ITGAV: variants seen among roughly 807,000 people sequenced by gnomAD.
ITGAV encodes integrin alpha-V.
A neutral mutation model predicts 143.8 loss-of-function variants in ITGAV; 76 were observed. That is an observed-to-expected ratio of 0.53 (90% CI 0.44 to 0.64). The LOEUF (loss-of-function observed/expected upper bound fraction) is 0.64. ITGAV is among the 30% of genes least tolerant of loss of function. ITGAV has a pLI of 0.00. For missense variants in ITGAV, 1,193 were observed against 1,274.7 expected, an observed-to-expected ratio of 0.94 and a Z score of 0.98; for synonymous variants, 453 against 446.7, an observed-to-expected ratio of 1.01 and a Z score of -0.18.
intron 19 of ITGAV, 30 bp from the exon 20 acceptor site, chr2:186,664,464 T>C (rs1193203851): frequency 3.1e-6 from 5 of 1,603,324 alleles, no homozygotes; most frequent in Non-Finnish European, 4.3e-6. Context: ...TCTTTTTTTC[T>C]CAGTCTGGAT....
intron 13 of ITGAV, 77 bp downstream of exon 13, chr2:186,646,954 TTA>T: frequency 1.0e-6 from 1 of 975,242 alleles, no homozygotes; most frequent in Non-Finnish European, 1.5e-6. Flanking sequence ...TGTTCTTGAT[TTA>T]TGTTATAAAT....
At chr2:186,630,437 A>T (rs1687785305) in intron 4 of ITGAV, among the ~76,000 whole-genome samples, 2 of 151,976 alleles carry the variant, frequency 1.3e-5, no homozygotes, top group African/African-American at 4.8e-5. Context: ...ATTGTTTGGT[A>T]AGATTTTAAG....
chr2:186,669,000 A>G, intron 25 of ITGAV, 80 bp downstream of exon 25: 1 of 1,292,722 alleles, frequency 7.7e-7, no homozygotes, highest in Admixed American at 2.4e-5. Flanking sequence ...AATTCATAAA[A>G]TAAAACAACT....
intron 23 of ITGAV, 79 bp downstream of exon 23, chr2:186,667,309 G>C: frequency 9.6e-7 from 1 of 1,038,614 alleles, no homozygotes; most frequent in Non-Finnish European, 1.5e-6. Flanking sequence ...AGCCTTTTCT[G>C]GACAATAGAC....
intron 26 of ITGAV, 178 bp downstream of exon 26, chr2:186,669,992 C>G: frequency 1.8e-6 from 1 of 559,276 alleles, no homozygotes; most frequent in Admixed American, 3.6e-5. Context: ...ATATTTTCTT[C>G]AAATGAGCTA....
At chr2:186,664,824 A>G (rs1259813062) in intron 20 of ITGAV, among the ~76,000 whole-genome samples, 183 bp downstream of exon 20, 1 of 152,224 alleles carries the variant, frequency 6.6e-6, no homozygotes, top group Non-Finnish European at 1.5e-5. Context: ...ATGCATTGAT[A>G]TGACATTTTT....
chr2:186,673,855 G>C (rs983574154), intron 26 of ITGAV, among the ~76,000 whole-genome samples: 20 of 151,872 alleles, frequency 1.3e-4, no homozygotes, highest in African/African-American at 4.4e-4. Context: ...TTTTTTAGTA[G>C]AGACAGGTTT....
At chr2:186,643,165 GTTACT>G (rs1688155912) in intron 12 of ITGAV, among the ~76,000 whole-genome samples, 2 of 152,138 alleles carry the variant, frequency 1.3e-5, no homozygotes, top group African/African-American at 2.4e-5. Flanking sequence ...TGTTATTCCA[GTTACT>G]TTAAAGAAAG....
intron 8 of ITGAV, 151 bp from the exon 9 acceptor site, chr2:186,638,126 C>T (rs1030989335): frequency 1.5e-6 from 1 of 655,456 alleles, no homozygotes. Context: ...AAATGCTGGG[C>T]TATTTATTAC....
rs772910198 is a variant in ITGAV at position 186,666,767 on chromosome 2, G to C, written c.2230G>C (p.Asp744His). ...AGAGATGGATACTTCTGTGAAATTT[G>C]ACTTACAAATCCAAAGGTATGAAAA... is the stretch of plus-strand genomic sequence containing the variant. ...QSEMDTSVKF[D>H]LQIQSSNLFD... The change falls in exon 22 of 30, where the codon GAC becomes CAC. Residue 744 changes from aspartate (D) to histidine (H), a missense_variant. Transcript: ENST00000261023. 2.5e-6 allele frequency: 4 copies of C among 1,577,348 alleles called. No homozygotes were observed. The South Asian group carries it at 4.8e-5, about 19-fold the overall frequency.
chr2:186,657,279 A>T (rs1055299270), intron 17 of ITGAV, among the ~76,000 whole-genome samples: 1 of 152,146 alleles, frequency 6.6e-6, no homozygotes, highest in Non-Finnish European at 1.5e-5. Flanking sequence ...ACAACAACAT[A>T]ATTAATGAAC....
In ITGAV at chr2:186,590,419, G is replaced by C; in HGVS notation, c.81G>C (p.Leu27=). ...TTCTCTCGGGACTCCTGCTACCTCT[G>C]TGCCGCGCCTTCAACCTAGACGTGG... is the stretch of plus-strand genomic sequence containing the variant. The part of the protein sequence containing the change: ...PLLLSGLLLP[L]CRAFNLDVDS... Residue 27 remains leucine, a synonymous_variant, in exon 1 of 30, where the codon CTG becomes CTC. Coordinates refer to ENST00000261023, the MANE Select transcript of ITGAV (RefSeq NM_002210.5). 1 of 1,613,098 alleles carries C rather than the reference G, an allele frequency of 6.2e-7. No individual in the cohort carries two copies. Among genetic ancestry groups the C allele is most frequent in the Non-Finnish European group, 8.5e-7 (1 of 1,179,856 alleles).
chr2:186,663,883 G>T, intron 19 of ITGAV, 48 bp downstream of exon 19: 2 of 1,264,488 alleles, frequency 1.6e-6, no homozygotes, highest in South Asian at 1.2e-5. Context: ...TAAATGGAAG[G>T]GCACATTTTT....
At chr2:186,617,835 A>G (rs1162993595) in intron 2 of ITGAV, among the ~76,000 whole-genome samples, 2 of 152,224 alleles carry the variant, frequency 1.3e-5, no homozygotes, top group Middle Eastern at 3.2e-3. Flanking sequence ...GTGACTATGG[A>G]CAGAAATCTT....
chr2:186,600,487 GA>G, intron 1 of ITGAV: 1 of 1,438,012 alleles, frequency 7.0e-7, no homozygotes, highest in South Asian at 1.3e-5. Context: ...TTACCTAGAG[GA>G]AATCTTTCCC....
At chr2:186,663,390 G>T (rs1688801656) in intron 18 of ITGAV, among the ~76,000 whole-genome samples, 1 of 152,110 alleles carries the variant, frequency 6.6e-6, no homozygotes, top group Admixed American at 6.5e-5. Flanking sequence ...AGTCTATTTT[G>T]CCCAACATCT....
intron 1 of ITGAV, among the ~76,000 whole-genome samples, chr2:186,599,706 A>G (rs564945852): frequency 1.3e-3 from 201 of 152,222 alleles, no homozygotes; most frequent in Middle Eastern, 3.4e-3. Flanking sequence ...GGGTCTTACT[A>G]TGTTGCCTAG....
In ITGAV at chr2:186,678,677, T is replaced by C. The variant is rs1215496451; in HGVS notation, c.*1385T>C. 2 of 454,600 alleles carry C rather than the reference T, an allele frequency of 4.4e-6. No homozygotes were observed. The highest frequency in any genetic ancestry group is 2.0e-5 in the African/African-American group (1 of 50,006). The allele number at this position is 454,600 out of a possible 1,614,324, so 28.2% of individuals were successfully genotyped here. A position where few individuals can be genotyped will look rare whatever the true frequency, so the allele number is the denominator to read the frequency against. On this transcript the variant is annotated 3_prime_UTR_variant, in exon 30 of 30. Transcript: ENST00000261023. ...GAGTGGTGAACCTTCTAGAGGAATA[T>C]ATGATTTATTCACAGTTCCTCAAGG...
chr2:186,603,968 G>GTTT (rs1468835130), intron 2 of ITGAV, among the ~76,000 whole-genome samples: 1 of 151,402 alleles, frequency 6.6e-6, no homozygotes, highest in African/African-American at 2.4e-5. Context: ...AGACTCAAGT[G>GTTT]ATCTTCCCAC....
Sources: gnomAD v4.1 joint callset for allele counts (sites outside exome capture counted in the v4.1 genomes callset) on GRCh38, gnomAD v4.1.1 for gene constraint, MANE v1.5 for transcripts, NCBI Gene and HGNC (gene_info 2026-07-23, HGNC 2026-07-21) for gene names.